PTGFRN: variants seen among roughly 807,000 people sequenced by gnomAD.
PTGFRN encodes the protein prostaglandin F2 receptor negative regulator.
In PTGFRN, 35 loss-of-function variants were observed where a neutral mutation model predicts 83.2. The ratio of observed to expected loss-of-function variants is 0.42; its 90% confidence interval spans 0.32 to 0.56. PTGFRN has a LOEUF of 0.56. Among genes scored for constraint, PTGFRN ranks in the 20% least tolerant of loss-of-function variants. The probability of loss-of-function intolerance (pLI) is 0.11; values close to 1 mark genes in which losing one functional copy is unlikely to be tolerated. For synonymous variants in PTGFRN, 519 were observed against 498.6 expected (o/e 1.04, Z -0.55); for missense variants, 1,051 against 1,179.5 (o/e 0.89, Z 1.60).
In PTGFRN at chr1:116,910,167, G is replaced by A. The variant is rs1034231380; in HGVS notation, c.-37G>A. On this transcript the variant is annotated 5_prime_UTR_variant, in exon 1 of 9. Coordinates refer to ENST00000393203, the MANE Select transcript of PTGFRN (RefSeq NM_020440.4). ...GAGGAGGAGGAGAGGCGGCGGGGAA[G>A]GAGGAGGAGGGGGAGAGTCGCTCCC... The A allele has an allele frequency of 2.0e-6, 3 of 1,501,622 alleles. No individual in the cohort carries two copies. Among genetic ancestry groups the A allele is most frequent in the Admixed American group, 4.1e-5 (2 of 48,440 alleles). The allele number at this position is 1,501,622 out of a possible 1,614,324, so 93.0% of individuals were successfully genotyped here.
chr1:116,917,226 A>G (rs1285135612), intron 1 of PTGFRN, among the ~76,000 whole-genome samples: 1 of 152,178 alleles, frequency 6.6e-6, no homozygotes, highest in African/African-American at 2.4e-5. Context: ...GTCAGAAACG[A>G]TCGCCCACCT....
chr1:116,949,537 T>C lies in PTGFRN; in HGVS notation c.1178T>C (p.Val393Ala). 6.2e-7 allele frequency: 1 copy of C among 1,613,846 alleles called. No individual in the cohort carries two copies. Among genetic ancestry groups the C allele is most frequent in the South Asian group, 1.1e-5 (1 of 91,068 alleles). ...NRSWHKVAEA[V>A]SSPAGVGVTW... Reference sequence around the variant, plus strand: ...AGCTGGCACAAAGTGGCAGAGGCCGTGTCTTCCCCAGCTGGTGTGGGTGTG... The same window carrying C: ...AGCTGGCACAAAGTGGCAGAGGCCGCGTCTTCCCCAGCTGGTGTGGGTGTG... Residue 393 changes from valine (V) to alanine (A), a missense_variant, in exon 4 of 9, where the codon GTG becomes GCG. Val to Ala is a moderately conservative substitution (Grantham distance 64, BLOSUM62 0). Transcript: ENST00000393203.
At chr1:116,980,654 A>G (rs887503004) in intron 7 of PTGFRN, among the ~76,000 whole-genome samples, 1 of 152,208 alleles carries the variant, frequency 6.6e-6, no homozygotes, top group East Asian at 1.9e-4. Context: ...GAATTGAACA[A>G]TGAGAACACT....
chr1:116,985,555 C>A (rs10737727), intron 8 of PTGFRN, among the ~76,000 whole-genome samples: 81,087 of 151,414 alleles, frequency 0.54, 21,816 homozygotes, highest in East Asian at 0.64. Flanking sequence ...AAAAGAAAAA[C>A]AAAATTAGCC....
chr1:116,978,536 G>A (rs1247255752), intron 7 of PTGFRN, among the ~76,000 whole-genome samples: 3 of 152,198 alleles, frequency 2.0e-5, no homozygotes, highest in African/African-American at 4.8e-5. Flanking sequence ...GATCAAATGG[G>A]CTTCATCCCT....
At chr1:116,931,849 G>A (rs78069176) in intron 1 of PTGFRN, among the ~76,000 whole-genome samples, 2,404 of 152,200 alleles carry the variant, frequency 0.016, 78 homozygotes, top group African/African-American at 0.056. Flanking sequence ...CATAGGCCCC[G>A]AGTCTCTCCT....
At chr1:116,917,778 G>A (rs564598050) in intron 1 of PTGFRN, among the ~76,000 whole-genome samples, 3 of 152,134 alleles carry the variant, frequency 2.0e-5, no homozygotes, top group Admixed American at 2.0e-4. Context: ...TGCACAACCA[G>A]GCCTGGTTAA....
intron 1 of PTGFRN, among the ~76,000 whole-genome samples, chr1:116,934,010 C>T (rs1185256050): frequency 6.6e-6 from 1 of 152,202 alleles, no homozygotes; most frequent in Non-Finnish European, 1.5e-5. Flanking sequence ...CCTTCTGGGC[C>T]TCTGTGACAC....
intron 1 of PTGFRN, among the ~76,000 whole-genome samples, chr1:116,919,706 T>G (rs1462282805): frequency 6.6e-6 from 1 of 152,254 alleles, no homozygotes; most frequent in African/African-American, 2.4e-5. Context: ...ACCCAGGTAG[T>G]CTGGCTCCAG....
At chr1:116,973,003 A>C (rs1162911162) in intron 6 of PTGFRN, among the ~76,000 whole-genome samples, 1 of 152,112 alleles carries the variant, frequency 6.6e-6, no homozygotes, top group Non-Finnish European at 1.5e-5. Context: ...GACTCACTGT[A>C]GCCCCAACTT....
chr1:116,985,827 CCTAA>C (rs1319309141), intron 8 of PTGFRN, among the ~76,000 whole-genome samples: 8 of 152,102 alleles, frequency 5.3e-5, no homozygotes, highest in Non-Finnish European at 1.2e-4. Context: ...CCAGGGTCAA[CCTAA>C]CTAGACAGTC....
chr1:116,919,599 A>G (rs1649491497), intron 1 of PTGFRN, among the ~76,000 whole-genome samples: 1 of 152,156 alleles, frequency 6.6e-6, no homozygotes, highest in Admixed American at 6.5e-5. Flanking sequence ...GAGAGTAGGC[A>G]CTGTTGTTAC....
intron 6 of PTGFRN, among the ~76,000 whole-genome samples, chr1:116,968,855 C>T (rs1418847851): frequency 6.6e-6 from 1 of 152,154 alleles, no homozygotes; most frequent in East Asian, 1.9e-4. Flanking sequence ...TTTTCAAGGT[C>T]CATTCATGTT....
chr1:116,928,658 T>C (rs1172316341), intron 1 of PTGFRN, among the ~76,000 whole-genome samples: 3 of 152,204 alleles, frequency 2.0e-5, no homozygotes, highest in Non-Finnish European at 2.9e-5. Flanking sequence ...TGTGTTCCTT[T>C]TGTGATGGTT....
chr1:116,945,936 G>C (rs1284527855), intron 3 of PTGFRN, among the ~76,000 whole-genome samples: 1 of 152,118 alleles, frequency 6.6e-6, no homozygotes, highest in Non-Finnish European at 1.5e-5. Flanking sequence ...GGTATTTGAG[G>C]CTTGTTCCCA....
intron 1 of PTGFRN, among the ~76,000 whole-genome samples, chr1:116,932,708 C>T (rs756075981): frequency 9.9e-5 from 15 of 152,158 alleles, no homozygotes; most frequent in Admixed American, 3.9e-4. Flanking sequence ...TGCTGCCTAT[C>T]TTGGTTCCAT....
chr1:116,961,326 G>C lies in PTGFRN; in HGVS notation c.1297G>C (p.Asp433His). 6.4e-7 allele frequency: 1 copy of C among 1,569,054 alleles called. No individual in the cohort carries two copies. Among genetic ancestry groups the C allele is most frequent in the Non-Finnish European group, 8.7e-7 (1 of 1,155,074 alleles). ...CACAGAGCTGGCATGCCGGGTGGTG[G>C]ACACGAAGAGTGGGGAGGCGAATGT... ...DPTELACRVV[D>H]TKSGEANVRF... The change falls in exon 5 of 9, where the codon GAC becomes CAC. Residue 433 changes from aspartate (D) to histidine (H), a missense_variant. This residue lies in a region of PTGFRN where 719 missense variants were observed against 836.6 expected (regional missense o/e 0.86). Transcript: ENST00000393203. The surrounding 1 kb of genome is among the most constrained non-coding windows in gnomAD (Gnocchi z 5.4).
At chr1:116,915,356 G>A (rs1649379665) in intron 1 of PTGFRN, among the ~76,000 whole-genome samples, 1 of 152,166 alleles carries the variant, frequency 6.6e-6, no homozygotes, top group African/African-American at 2.4e-5. Context: ...AGGACGGGCC[G>A]AAATGCAACT....
intron 1 of PTGFRN, among the ~76,000 whole-genome samples, chr1:116,916,077 C>T (rs1649397089): frequency 6.6e-6 from 1 of 152,282 alleles, no homozygotes; most frequent in East Asian, 1.9e-4. Context: ...GAGATCATGG[C>T]TCTGTGCATT....
Sources: allele counts gnomAD v4.1 joint callset (sites outside exome capture counted in the v4.1 genomes callset), GRCh38; gene constraint gnomAD v4.1.1; regional missense constraint gnomAD v4.1.1; non-coding constraint Gnocchi (gnomAD v3.1); transcripts MANE v1.5; gene names NCBI Gene and HGNC (gene_info 2026-07-23, HGNC 2026-07-21).